TLE4: variants seen among roughly 807,000 people sequenced by gnomAD.
TLE4 encodes transducin-like enhancer protein 4.
Under a neutral mutation model 92.8 loss-of-function variants are expected in TLE4, and 8 were observed. That is an observed-to-expected ratio of 0.09 (90% CI 0.05 to 0.16). The LOEUF (loss-of-function observed/expected upper bound fraction) is 0.16. Among genes scored for constraint, TLE4 ranks in the 10% least tolerant of loss-of-function variants. The pLI is 1.00. For missense variants in TLE4, 675 were observed against 997.6 expected, an observed-to-expected ratio of 0.68 and a Z score of 4.36; for synonymous variants, 371 against 374.1, an observed-to-expected ratio of 0.99 and a Z score of 0.10.
At chr9:79,697,259 G>A (rs1360499678) in intron 8 of TLE4, among the ~76,000 whole-genome samples, 2 of 152,118 alleles carry the variant, frequency 1.3e-5, no homozygotes, top group African/African-American at 4.8e-5. Context: ...TAGTTTAAAC[G>A]ATGAACACAA....
At chr9:79,651,728 A>G (rs1377682137) in intron 6 of TLE4, among the ~76,000 whole-genome samples, 3 of 152,228 alleles carry the variant, frequency 2.0e-5, no homozygotes, top group African/African-American at 7.2e-5. Flanking sequence ...GGACACTTAA[A>G]GGGCTTAAAA....
chr9:79,572,802 C>T lies in TLE4; in HGVS notation c.12C>T (p.Asp4=). 1 of 1,600,944 alleles carries T rather than the reference C, an allele frequency of 6.2e-7. No homozygotes were observed. Among genetic ancestry groups the T allele is most frequent in the Non-Finnish European group, 8.5e-7 (1 of 1,174,576 alleles). ...CTAAATCGGCTTGGATGATTCGCGA[C>T]CTGAGCAAGATGTACCCGCAGACCA... MIR[D]LSKMYPQTRH... The change falls in exon 1 of 20, where the codon GAC becomes GAT. Residue 4 remains aspartate (D), a synonymous_variant. Transcript: ENST00000376552.
chr9:79,649,776 G>A (rs748371935), intron 6 of TLE4: 16 of 1,349,168 alleles, frequency 1.2e-5, no homozygotes, highest in African/African-American at 1.5e-5. Flanking sequence ...GAAAAGTTCT[G>A]GTCCAATGGA....
intron 8 of TLE4, among the ~76,000 whole-genome samples, chr9:79,672,492 G>A (rs1331427673): frequency 6.6e-6 from 1 of 152,138 alleles, no homozygotes; most frequent in Admixed American, 6.6e-5. Flanking sequence ...TATAGAGTCA[G>A]CTTCCTGCAT....
chr9:79,575,603 A>G (rs893428984), intron 3 of TLE4, among the ~76,000 whole-genome samples: 1 of 152,224 alleles, frequency 6.6e-6, no homozygotes, highest in African/African-American at 2.4e-5. Context: ...ATTATGAAGC[A>G]TATTTTTATG....
intron 6 of TLE4, among the ~76,000 whole-genome samples, chr9:79,636,482 CCTTT>C (rs1233338938): frequency 2.0e-5 from 3 of 152,084 alleles, no homozygotes; most frequent in African/African-American, 7.2e-5. Context: ...CACTTTGGCC[CCTTT>C]CTTCTGTCCC....
chr9:79,700,935 A>G (rs940655420), intron 8 of TLE4, among the ~76,000 whole-genome samples: 2 of 152,222 alleles, frequency 1.3e-5, no homozygotes, highest in African/African-American at 2.4e-5. Flanking sequence ...TAGGGTCACA[A>G]TGCAGCTTCA....
intron 8 of TLE4, among the ~76,000 whole-genome samples, chr9:79,668,444 A>G (rs1287752877): frequency 6.6e-6 from 1 of 152,160 alleles, no homozygotes; most frequent in Non-Finnish European, 1.5e-5. Flanking sequence ...GTGTGTGTTT[A>G]GCAGTTTACC....
At chr9:79,573,829 C>G (rs1011448578) in intron 2 of TLE4, 43 bp downstream of exon 2, 1 of 1,406,898 alleles carries the variant, frequency 7.1e-7, no homozygotes, top group Non-Finnish European at 9.8e-7. Flanking sequence ...TTGCTTAGCT[C>G]TTGTCTCCCC....
chr9:79,643,923 C>G (rs997226210), intron 6 of TLE4, among the ~76,000 whole-genome samples: 1 of 152,158 alleles, frequency 6.6e-6, no homozygotes, highest in South Asian at 2.1e-4. Context: ...CTCCTCTCCT[C>G]GCTCCCTCAC....
intron 4 of TLE4, chr9:79,576,434 A>C: frequency 3.6e-6 from 1 of 275,138 alleles, no homozygotes; most frequent in East Asian, 5.8e-5. Flanking sequence ...CAAAAGCAGG[A>C]TGCTAAATTT....
intron 5 of TLE4, among the ~76,000 whole-genome samples, chr9:79,617,541 C>G (rs1356285881): frequency 5.3e-5 from 8 of 152,090 alleles, no homozygotes; most frequent in African/African-American, 1.9e-4. Flanking sequence ...TTTTCAGAAA[C>G]TTGTCGCTTC....
chr9:79,709,200 G>A (rs950469685), intron 13 of TLE4, among the ~76,000 whole-genome samples: 7 of 152,130 alleles, frequency 4.6e-5, no homozygotes, highest in Admixed American at 3.3e-4. Flanking sequence ...TATAAGTTAA[G>A]CTACATGTGA....
At chr9:79,647,858 CAGT>C (rs2058331104) in intron 6 of TLE4, among the ~76,000 whole-genome samples, 1 of 151,430 alleles carries the variant, frequency 6.6e-6, no homozygotes, top group African/African-American at 2.4e-5. Context: ...AATTGAGAGA[CAGT>C]GGTGGAGATT....
At chr9:79,611,936 T>TAAAAAAAAAAAAA (rs34106000) in intron 4 of TLE4, among the ~76,000 whole-genome samples, 1 of 78,426 alleles carries the variant, frequency 1.3e-5, no homozygotes, top group African/African-American at 4.2e-5. Flanking sequence ...ATATCCACAG[T>TAAAAAAAAAAAAA]AAAAAAAAAA....
rs1463873214 is a variant in TLE4, at chr9:79,572,853, G to A, written c.45+18G>A. 1 of 1,593,830 alleles carries A rather than the reference G, an allele frequency of 6.3e-7. No individual in the cohort carries two copies. Among genetic ancestry groups the A allele is most frequent in the Admixed American group, 1.7e-5 (1 of 58,174 alleles). On this transcript the variant is annotated intron_variant, in intron 1 of 19. Transcript: ENST00000376552. ...GACACCCAGTGAGTGCGGGCGGCGGGGCGCGGGCTCGCCGGGTGCTGGGGG... is the reference window on the plus strand; with the variant it reads ...GACACCCAGTGAGTGCGGGCGGCGGAGCGCGGGCTCGCCGGGTGCTGGGGG...
Position 79,627,264 on chromosome 9 carries a change from C to T in TLE4, c.316-110C>T. The stretch of plus-strand genomic sequence containing the variant: ...GCTTGTATTGGAAACCTGGAGATCC[C>T]CCAAATGCTGTTTTGCATGTAACTG... On this transcript the variant is annotated intron_variant, in intron 5 of 19. Coordinates refer to ENST00000376552, the MANE Select transcript of TLE4 (RefSeq NM_007005.6). The T allele has an allele frequency of 3.7e-6, 4 of 1,095,142 alleles. No homozygotes were observed. In the South Asian group the frequency reaches 3.8e-5, roughly 11 times the overall value. 67.8% of individuals were successfully genotyped at this position (1,095,142 alleles called of 1,614,324 possible). A position where few individuals can be genotyped will look rare whatever the true frequency, so the allele number is the denominator to read the frequency against.
Position 79,572,676 on chromosome 9 carries a change from G to T in TLE4, c.-115G>T. ...CCCGGCGGGGGCCGGGACCGCCCGA[G>T]CCGCCCCTCAGACCGAGCCGGCCGC... On this transcript the variant is annotated 5_prime_UTR_variant, in exon 1 of 20. Coordinates refer to ENST00000376552, the MANE Select transcript of TLE4 (RefSeq NM_007005.6). 1 of 1,012,244 alleles carries T rather than the reference G, an allele frequency of 9.9e-7. No individual in the cohort carries two copies. The highest frequency in any genetic ancestry group is 1.7e-5 in the African/African-American group (1 of 58,562). The allele number at this position is 1,012,244 out of a possible 1,614,324, so 62.7% of individuals were successfully genotyped here. A position where few individuals can be genotyped will look rare whatever the true frequency, so the allele number is the denominator to read the frequency against.
intron 5 of TLE4, among the ~76,000 whole-genome samples, chr9:79,624,648 C>T (rs1354145014): frequency 1.3e-5 from 2 of 152,102 alleles, no homozygotes; most frequent in East Asian, 1.9e-4. Flanking sequence ...TGTGCGTTTC[C>T]GGTTTTCTGA....
Sources: gnomAD v4.1 joint callset for allele counts (sites outside exome capture counted in the v4.1 genomes callset) on GRCh38, gnomAD v4.1.1 for gene constraint, MANE v1.5 for transcripts, NCBI Gene and HGNC (gene_info 2026-07-23, HGNC 2026-07-21) for gene names.